The following CNTNAP2 variants were observed in gnomAD, a reference collection of about 807,000 sequenced individuals.
CNTNAP2 encodes contactin associated protein 2.
In CNTNAP2, 98 loss-of-function variants were observed where a neutral mutation model predicts 155.2. The ratio of observed to expected loss-of-function variants is 0.63; its 90% CI spans 0.54 to 0.75. The LOEUF (loss-of-function observed/expected upper bound fraction) is 0.75, where lower values mean the gene tolerates loss of function less well. Among genes scored for constraint, CNTNAP2 ranks in the 30% least tolerant of loss-of-function variants. CNTNAP2 has a pLI of 0.00. For missense variants in CNTNAP2, 1,727 were observed against 1,688.1 expected (o/e 1.02, Z -0.40); for synonymous variants, 651 against 631.2 (o/e 1.03, Z -0.47).
rs764552752 is a variant in CNTNAP2, at chr7:148,418,909, T to G, written c.*3293T>G. ...AAAAGCATTGGCATGAGCCAAAGAG[T>G]CTGTCTTAATGTTACTTTTGAAAAT... On this transcript the variant is annotated 3_prime_UTR_variant, in exon 24 of 24. Transcript: ENST00000361727. 11 of 151,832 alleles carry G rather than the reference T, an allele frequency of 7.2e-5. No homozygotes were observed. The highest frequency in any genetic ancestry group is 1.5e-4 in the Non-Finnish European group (10 of 67,988). The allele number at this position is 151,832 out of a possible 1,614,324, so 9.4% of individuals were successfully genotyped here.
At chr7:146,885,497 A>G (rs1177748227) in intron 3 of CNTNAP2, among the ~76,000 whole-genome samples, 1 of 152,154 alleles carries the variant, frequency 6.6e-6, no homozygotes, top group Non-Finnish European at 1.5e-5. Context: ...AAATGCACAC[A>G]CGTTGGCATT....
At chr7:146,372,335 A>G (rs1388784738) in intron 1 of CNTNAP2, among the ~76,000 whole-genome samples, 1 of 152,224 alleles carries the variant, frequency 6.6e-6, no homozygotes, top group African/African-American at 2.4e-5. Flanking sequence ...AATGGTTTTC[A>G]GAGTAGCAGA....
intron 15 of CNTNAP2, among the ~76,000 whole-genome samples, chr7:148,016,479 C>G (rs1279442554): frequency 6.6e-6 from 1 of 152,200 alleles, no homozygotes; most frequent in Non-Finnish European, 1.5e-5. Context: ...GCGTTCATAT[C>G]AAACTGTGCA....
intron 11 of CNTNAP2, among the ~76,000 whole-genome samples, chr7:147,494,508 G>GA (rs1310083495): frequency 7.0e-6 from 1 of 143,186 alleles, no homozygotes; most frequent in African/African-American, 2.6e-5. Flanking sequence ...AATGCATATT[G>GA]AAAAGCAGTG....
At chr7:148,218,733 G>A (rs1044520638) in intron 19 of CNTNAP2, among the ~76,000 whole-genome samples, 12 of 151,816 alleles carry the variant, frequency 7.9e-5, no homozygotes, top group Admixed American at 2.6e-4. Flanking sequence ...CATCTTGGTC[G>A]TCAAACACAC....
intron 1 of CNTNAP2, 132 bp from the exon 2 acceptor site, chr7:146,774,139 C>A: frequency 4.2e-6 from 3 of 709,834 alleles, no homozygotes; most frequent in Non-Finnish European, 7.4e-6. Flanking sequence ...TGCCTAAATT[C>A]CTTTGCTAAA....
intron 18 of CNTNAP2, among the ~76,000 whole-genome samples, chr7:148,208,814 TC>T (rs1467204017): frequency 6.6e-6 from 1 of 152,126 alleles, no homozygotes; most frequent in Admixed American, 6.5e-5. Context: ...AGCTCCTCTT[TC>T]TTGAAAAACC....
intron 1 of CNTNAP2, among the ~76,000 whole-genome samples, chr7:146,333,320 T>C (rs1187956775): frequency 6.6e-6 from 1 of 152,154 alleles, no homozygotes; most frequent in Non-Finnish European, 1.5e-5. Flanking sequence ...CAGCTATTCT[T>C]GCAATGTTGG....
chr7:147,301,067 G>C (rs1794937291), intron 9 of CNTNAP2, among the ~76,000 whole-genome samples: 1 of 152,136 alleles, frequency 6.6e-6, no homozygotes, highest in Non-Finnish European at 1.5e-5. Flanking sequence ...CCCGTCCACA[G>C]TTAAAGGAAG....
intron 1 of CNTNAP2, among the ~76,000 whole-genome samples, chr7:146,593,170 A>G (rs911808475): frequency 1.3e-5 from 2 of 150,372 alleles, no homozygotes; most frequent in African/African-American, 4.9e-5. Context: ...TATTATTAAT[A>G]TTATTATTAT....
intron 1 of CNTNAP2, among the ~76,000 whole-genome samples, chr7:146,380,820 G>T (rs13227213): frequency 3.9e-5 from 3 of 76,406 alleles, no homozygotes; most frequent in Non-Finnish European, 4.4e-5. Context: ...TTTTTTTTGA[G>T]ACGGAGTCTC....
At chr7:147,406,056 A>G (rs1453579324) in intron 10 of CNTNAP2, among the ~76,000 whole-genome samples, 1 of 152,130 alleles carries the variant, frequency 6.6e-6, no homozygotes, top group Non-Finnish European at 1.5e-5. Context: ...TTTTAATGAC[A>G]TTTCTTTACT....
chr7:146,333,273 A>G (rs1801216107), intron 1 of CNTNAP2, among the ~76,000 whole-genome samples: 1 of 152,102 alleles, frequency 6.6e-6, no homozygotes, highest in Non-Finnish European at 1.5e-5. Flanking sequence ...AGAATAGATT[A>G]CATCAACCTG....
chr7:146,477,177 T>G (rs990169706), intron 1 of CNTNAP2, among the ~76,000 whole-genome samples: 15 of 152,218 alleles, frequency 9.9e-5, no homozygotes, highest in African/African-American at 3.6e-4. Context: ...ATCCATGTTT[T>G]AGTTTCAACT....
At chr7:147,491,893 G>A (rs1014203016) in intron 11 of CNTNAP2, among the ~76,000 whole-genome samples, 1 of 152,060 alleles carries the variant, frequency 6.6e-6, no homozygotes, top group Non-Finnish European at 1.5e-5. Flanking sequence ...GAAATTATAT[G>A]GAGGAATTTA....
At chr7:146,387,513 T>G (rs1795477954) in intron 1 of CNTNAP2, among the ~76,000 whole-genome samples, 1 of 152,208 alleles carries the variant, frequency 6.6e-6, no homozygotes, top group South Asian at 2.1e-4. Context: ...CTTTCTCATT[T>G]TGGTAGGACA....
At chr7:146,248,205 G>A (rs1799695901) in intron 1 of CNTNAP2, among the ~76,000 whole-genome samples, 1 of 151,980 alleles carries the variant, frequency 6.6e-6, no homozygotes, top group South Asian at 2.1e-4. Flanking sequence ...GCAGAGATAT[G>A]AGGTTGGAGT....
chr7:146,482,402 TATA>T (rs1796975298), intron 1 of CNTNAP2, among the ~76,000 whole-genome samples: 2 of 87,584 alleles, frequency 2.3e-5, no homozygotes, highest in African/African-American at 2.4e-4. Context: ...GTGTGTATTA[TATA>T]TATATATATA....
chr7:148,147,838 C>T (rs1585151646), intron 17 of CNTNAP2, 129 bp downstream of exon 17: 4 of 903,534 alleles, frequency 4.4e-6, no homozygotes, highest in Middle Eastern at 3.4e-4. Flanking sequence ...AAGGTGTTGG[C>T]CTCTTGTAGT....
Sources: gnomAD v4.1 joint callset for allele counts (sites outside exome capture counted in the v4.1 genomes callset) on GRCh38, gnomAD v4.1.1 for gene constraint, MANE v1.5 for transcripts, NCBI Gene and HGNC (gene_info 2026-07-23, HGNC 2026-07-21) for gene names.